The following ZNF821 variants were observed in gnomAD, a reference collection of about 807,000 sequenced individuals.
The protein encoded by ZNF821 is zinc finger protein 821.
A neutral mutation model predicts 44.3 loss-of-function variants in ZNF821; 16 were observed. The observed-to-expected ratio is 0.36, with a 90% CI of 0.24 to 0.55. ZNF821 has a LOEUF of 0.55. Among genes scored for constraint, ZNF821 ranks in the 20% least tolerant of loss-of-function variants. The pLI is 0.86. For synonymous variants in ZNF821, 204 were observed against 197.6 expected (o/e 1.03, Z -0.27); for missense variants, 436 against 547.6 (o/e 0.80, Z 2.03).
At chr16:71,873,776 C>T (rs1437035945) in intron 3 of ZNF821, among the ~76,000 whole-genome samples, 1 of 151,930 alleles carries the variant, frequency 6.6e-6, no homozygotes, top group African/African-American at 2.4e-5. Context: ...ACCTCAACCT[C>T]CTAAAGTATT....
At chr16:71,888,270 A>C (rs115208610), upstream of ZNF821, among the ~76,000 whole-genome samples, 5,629 of 152,130 alleles carry the variant, frequency 0.037, 323 homozygotes, top group African/African-American at 0.13. Flanking sequence ...TGAAGCACAA[A>C]GTTTTTGATT....
chr16:71,859,780 G>A lies in ZNF821; in HGVS notation c.*238C>T. The A allele has an allele frequency of 1.8e-6, 1 of 541,202 alleles. No individual in the cohort carries two copies. The highest frequency in any genetic ancestry group is 3.5e-5 in the Admixed American group (1 of 28,632). The allele number at this position is 541,202 out of a possible 1,614,324, so 33.5% of individuals were successfully genotyped here. On this transcript the variant is annotated 3_prime_UTR_variant, in exon 8 of 8. Coordinates refer to ENST00000425432, the MANE Select transcript of ZNF821 (RefSeq NM_001201552.2). The stretch of plus-strand genomic sequence containing the variant: ...ACAGCCTGTGGCAGTGGGCTGGGGA[G>A]GCCAGTTCTCTGGACTGCCTGCTCC...
chr16:71,864,790 G>T, intron 5 of ZNF821, 113 bp downstream of exon 5: 1 of 1,365,206 alleles, frequency 7.3e-7, no homozygotes, highest in African/African-American at 1.4e-5. Flanking sequence ...GGCCTCCCAT[G>T]CAGGCCCAGG....
In ZNF821 at chr16:71,860,567, G is replaced by A. The variant is rs771296804; in HGVS notation, c.690C>T (p.Tyr230=). Residue 230 remains tyrosine, a synonymous_variant, in exon 8 of 8, where the codon TAC becomes TAT. Coordinates refer to ENST00000425432, the MANE Select transcript of ZNF821 (RefSeq NM_001201552.2). The surrounding 1 kb of genome is among the most constrained non-coding windows in gnomAD (Gnocchi z 7.3). Reference sequence around the variant, plus strand: ...TGCACACAAGCAGAATTCCAGCAGGGTACACTGGAGGACTAAAGGCAATAT... The same window carrying A: ...TGCACACAAGCAGAATTCCAGCAGGATACACTGGAGGACTAAAGGCAATAT... ...GKDIAFSPPV[Y]PAGILLVCNN... 4.3e-6 allele frequency: 7 copies of A among 1,614,026 alleles called. No individual in the cohort carries two copies. The highest frequency in any genetic ancestry group is 5.1e-6 in the Non-Finnish European group (6 of 1,180,052).
chr16:71,865,966 A>G (rs1187358019), intron 4 of ZNF821, among the ~76,000 whole-genome samples: 2 of 152,246 alleles, frequency 1.3e-5, no homozygotes, highest in Non-Finnish European at 2.9e-5. Flanking sequence ...TATAAAATAG[A>G]AAATGAAAAC....
intron 3 of ZNF821, among the ~76,000 whole-genome samples, chr16:71,876,852 G>A (rs893866738): frequency 1.3e-5 from 2 of 152,120 alleles, no homozygotes; most frequent in Non-Finnish European, 2.9e-5. Flanking sequence ...AAGTTATCCT[G>A]CACTGGCCTC....
chr16:71,867,845 G>T, intron 4 of ZNF821, 67 bp downstream of exon 4: 1 of 1,517,884 alleles, frequency 6.6e-7, no homozygotes, highest in Non-Finnish European at 8.8e-7. Context: ...ACAATCCCCA[G>T]AGCACACACA....
chr16:71,867,844 A>G lies in ZNF821; in HGVS notation c.166+68T>C, dbSNP rs760212855. 6 of 1,516,424 alleles carry G rather than the reference A, an allele frequency of 4.0e-6. No individual in the cohort carries two copies. In the South Asian group the frequency reaches 7.4e-5, roughly 19 times the overall value. The allele number at this position is 1,516,424 out of a possible 1,614,324, so 93.9% of individuals were successfully genotyped here. ...CTCCCAACCCCCATGCACAATCCCC[A>G]GAGCACACACACTCTGATAATTCTT... On this transcript the variant is annotated intron_variant, in intron 4 of 7. Transcript: ENST00000425432.
intron 1 of ZNF821, chr16:71,894,699 T>G: frequency 6.5e-6 from 1 of 153,856 alleles, no homozygotes; most frequent in East Asian, 1.4e-4. Context: ...AATTTTTAAC[T>G]TTTTTTTTTT....
At position 71,883,269 on chromosome 16, in the gene ZNF821, T is replaced by C. The variant is rs879062547; in HGVS notation, c.-136A>G. 5 of 452,486 alleles carry C rather than the reference T, an allele frequency of 1.1e-5. No homozygotes were observed. Among genetic ancestry groups the C allele is most frequent in the South Asian group, 6.2e-5 (4 of 64,212 alleles). 28.0% of individuals were successfully genotyped at this position (452,486 alleles called of 1,614,324 possible). A position where few individuals can be genotyped will look rare whatever the true frequency, so the allele number is the denominator to read the frequency against. ...CAAACTCGACTGAATCCAAGTGATC[T>C]GTATCTGCCAAAAAGGAGAGGACAA... On this transcript the variant is annotated 5_prime_UTR_variant, in exon 2 of 8. Transcript: ENST00000425432.
chr16:71,870,877 T>A (rs2035122473), intron 3 of ZNF821, among the ~76,000 whole-genome samples: 1 of 152,224 alleles, frequency 6.6e-6, no homozygotes, highest in Admixed American at 6.5e-5. Context: ...ACAAGTTATG[T>A]ACTAGCATAT....
intron 4 of ZNF821, among the ~76,000 whole-genome samples, chr16:71,867,001 A>G (rs2034616095): frequency 6.6e-6 from 1 of 152,202 alleles, no homozygotes; most frequent in Non-Finnish European, 1.5e-5. Context: ...ACACATCTCA[A>G]GACGTGTTTG....
At chr16:71,864,829 G>A (rs1035002759) in intron 5 of ZNF821, 74 bp downstream of exon 5, 4 of 1,583,310 alleles carry the variant, frequency 2.5e-6, no homozygotes, top group South Asian at 1.2e-5. Flanking sequence ...CTGTGCCACA[G>A]GGGTGAGCAG....
At position 71,862,036 on chromosome 16, in the gene ZNF821, T is replaced by C. The variant is rs386468200; in HGVS notation, c.418-94A>G. The C allele has an allele frequency of 4.5e-3, 6,485 of 1,436,476 alleles. 15 individuals are homozygous for C. Among genetic ancestry groups the C allele is most frequent in the Non-Finnish European group, 5.5e-3 (5,758 of 1,044,102 alleles). The allele number at this position is 1,436,476 out of a possible 1,614,324, so 89.0% of individuals were successfully genotyped here. On this transcript the variant is annotated intron_variant, in intron 6 of 7. Transcript: ENST00000425432. The stretch of plus-strand genomic sequence containing the variant: ...GACTTTTGGGAAATGTCCCCTTTCT[T>C]TAGTCTCAGAATAAGGAACTTCCAA...
intron 1 of ZNF821, chr16:71,894,834 AAT>A (rs1323479925): frequency 6.5e-7 from 1 of 1,534,304 alleles, no homozygotes; most frequent in Non-Finnish European, 8.7e-7. Flanking sequence ...AAGCAGCGAT[AAT>A]GGTTTTCAAG....
rs1752435760 is a variant in ZNF821 at position 71,883,285 on chromosome 16, G to A, written c.-140-12C>T. The A allele has an allele frequency of 9.0e-6, 4 of 446,412 alleles. No individual in the cohort carries two copies. The highest frequency in any genetic ancestry group is 4.8e-5 in the South Asian group (3 of 63,078). 27.7% of individuals were successfully genotyped at this position (446,412 alleles called of 1,614,324 possible). A position where few individuals can be genotyped will look rare whatever the true frequency, so the allele number is the denominator to read the frequency against. On this transcript the variant is annotated splice_polypyrimidine_tract_variant and intron_variant, in intron 1 of 7. Coordinates refer to ENST00000425432, the MANE Select transcript of ZNF821 (RefSeq NM_001201552.2). Reference sequence around the variant, plus strand: ...CAAGTGATCTGTATCTGCCAAAAAGGAGAGGACAAGAAAGCTGGTCACTTA... The same window carrying A: ...CAAGTGATCTGTATCTGCCAAAAAGAAGAGGACAAGAAAGCTGGTCACTTA...
chr16:71,894,721 C>T (rs1353352776), intron 1 of ZNF821: 5 of 426,430 alleles, frequency 1.2e-5, no homozygotes, highest in South Asian at 5.3e-5. Flanking sequence ...TTTTTTGTAG[C>T]GATGCGGTTT....
intron 6 of ZNF821, 99 bp downstream of exon 6, chr16:71,864,039 C>A: frequency 9.3e-7 from 1 of 1,070,762 alleles, no homozygotes; most frequent in Non-Finnish European, 1.4e-6. Flanking sequence ...CCCAAGACTC[C>A]TTCAGGAGCC....
intron 6 of ZNF821, among the ~76,000 whole-genome samples, chr16:71,863,023 A>G (rs1335025915): frequency 6.6e-6 from 1 of 152,068 alleles, no homozygotes; most frequent in East Asian, 1.9e-4. Flanking sequence ...CTTCCCGAGT[A>G]GCTGGGATTA....
Sources: allele counts gnomAD v4.1 joint callset (sites outside exome capture counted in the v4.1 genomes callset), GRCh38; gene constraint gnomAD v4.1.1; non-coding constraint Gnocchi (gnomAD v3.1); transcripts MANE v1.5; gene names NCBI Gene and HGNC (gene_info 2026-07-23, HGNC 2026-07-21).